SDK1: variants seen among roughly 807,000 people sequenced by gnomAD.
SDK1 encodes sidekick cell adhesion molecule 1.
A neutral mutation model predicts 245.5 loss-of-function variants in SDK1; 157 were observed. The ratio of observed to expected loss-of-function variants is 0.64; its 90% CI spans 0.56 to 0.73. The LOEUF is 0.73. Ranked by LOEUF, SDK1 falls within the 30% of genes least tolerant of loss-of-function variation. The pLI is 0.00. For missense variants in SDK1, 3,583 were observed against 3,002.3 expected (o/e 1.19, Z -4.52); for synonymous variants, 1,647 against 1,278.5 (o/e 1.29, Z -6.15).
At position 4,139,595 on chromosome 7, in the gene SDK1, A is replaced by G. The variant is rs1475265603; in HGVS notation, c.4229-6127A>G. Among the ~76,000 whole-genome samples the G allele has an allele frequency of 2.1e-3, 137 of 65,674 alleles. 7 individuals carry two copies. The highest frequency in any genetic ancestry group is 5.5e-3 in the African/African-American group (93 of 16,920). The allele number at this position is 65,674 out of a possible 152,430, so 43.1% of individuals were successfully genotyped here. A position where few individuals can be genotyped will look rare whatever the true frequency, so the allele number is the denominator to read the frequency against. ...TATGTGTGTGTGTATGTGTGTGTAT[A>G]TGTATATATGTGTGTGTATATGTGT... On this transcript the variant is annotated intron_variant, in intron 28 of 44. Coordinates refer to ENST00000404826, the MANE Select transcript of SDK1 (RefSeq NM_152744.4).
intron 4 of SDK1, among the ~76,000 whole-genome samples, chr7:3,780,428 A>T (rs1010951009): frequency 6.6e-6 from 1 of 152,238 alleles, no homozygotes; most frequent in African/African-American, 2.4e-5. Flanking sequence ...TTACCAGCAC[A>T]TGGATCTTAG....
At chr7:3,307,452 G>C (rs543289701) in intron 1 of SDK1, among the ~76,000 whole-genome samples, 2 of 152,292 alleles carry the variant, frequency 1.3e-5, no homozygotes, top group South Asian at 4.1e-4. Context: ...CTGTTCTGGA[G>C]AGGTTACTAC....
chr7:3,942,480 A>C (rs1780404211), intron 5 of SDK1, among the ~76,000 whole-genome samples: 1 of 152,210 alleles, frequency 6.6e-6, no homozygotes. Context: ...GGACAACACG[A>C]TCAAAAAATA....
At chr7:3,580,828 T>TGTG (rs1780455769) in intron 1 of SDK1, among the ~76,000 whole-genome samples, 1 of 151,262 alleles carries the variant, frequency 6.6e-6, no homozygotes, top group African/African-American at 2.4e-5. Context: ...ATAGGCTGGA[T>TGTG]GTGGTGGTAT....
intron 17 of SDK1, among the ~76,000 whole-genome samples, chr7:4,034,447 C>G (rs10237956): frequency 0.32 from 48,430 of 152,080 alleles, 12,027 homozygotes; most frequent in African/African-American, 0.7. Context: ...GGGTGATGGG[C>G]CTCATGTTAG....
At chr7:3,599,557 A>G (rs922732307) in intron 1 of SDK1, among the ~76,000 whole-genome samples, 1 of 152,140 alleles carries the variant, frequency 6.6e-6, no homozygotes, top group Non-Finnish European at 1.5e-5. Context: ...CCACATTACA[A>G]ATATTTTCTC....
intron 32 of SDK1, among the ~76,000 whole-genome samples, chr7:4,170,252 G>C (rs1216308259): frequency 6.6e-6 from 1 of 152,136 alleles, no homozygotes; most frequent in Non-Finnish European, 1.5e-5. Flanking sequence ...TTCGAGACCA[G>C]CCTGGGCAAC....
At chr7:3,843,068 C>T (rs959137445) in intron 5 of SDK1, among the ~76,000 whole-genome samples, 3 of 152,090 alleles carry the variant, frequency 2.0e-5, no homozygotes, top group Non-Finnish European at 2.9e-5. Context: ...AGCCTGTGGC[C>T]GCTTAGCATT....
At chr7:3,698,310 G>T (rs935948151) in intron 4 of SDK1, among the ~76,000 whole-genome samples, 10 of 152,200 alleles carry the variant, frequency 6.6e-5, no homozygotes, top group African/African-American at 2.4e-4. Context: ...TGGGTGTGGG[G>T]CCAAGGCTTG....
At position 4,267,802 on chromosome 7, in the gene SDK1, G is replaced by A. The variant is rs890558688; in HGVS notation, c.*2418G>A. 1.0e-5 allele frequency: 10 copies of A among 985,462 alleles called. No homozygotes were observed. Among genetic ancestry groups the A allele is most frequent in the East Asian group, 1.1e-4 (1 of 8,824 alleles). The allele number at this position is 985,462 out of a possible 1,614,324, so 61.0% of individuals were successfully genotyped here. ...TAGTAAACCTTGATCTGTACGGAGC[G>A]GCCTGTCCGAGGCTACGCCGGCCTC... On this transcript the variant is annotated 3_prime_UTR_variant, in exon 45 of 45. Transcript: ENST00000404826.
At position 4,265,959 on chromosome 7, in the gene SDK1, A is replaced by G; in HGVS notation, c.*575A>G. On this transcript the variant is annotated 3_prime_UTR_variant, in exon 45 of 45. Transcript: ENST00000404826. Reference sequence around the variant, plus strand: ...TGTTCTCACTTGGCAGTGTCTAGTCAAGGAGTCGGCTTTCAGGTTCCTGAC... The same window carrying G: ...TGTTCTCACTTGGCAGTGTCTAGTCGAGGAGTCGGCTTTCAGGTTCCTGAC... 1 of 985,624 alleles carries G rather than the reference A, an allele frequency of 1.0e-6. No individual in the cohort carries two copies. 61.1% of individuals were successfully genotyped at this position (985,624 alleles called of 1,614,324 possible). A position where few individuals can be genotyped will look rare whatever the true frequency, so the allele number is the denominator to read the frequency against.
chr7:3,621,847 C>G (rs1458881959), intron 2 of SDK1, among the ~76,000 whole-genome samples: 1 of 152,116 alleles, frequency 6.6e-6, no homozygotes, highest in African/African-American at 2.4e-5. Context: ...ATTTGCAAAT[C>G]GTTGAATATA....
intron 1 of SDK1, among the ~76,000 whole-genome samples, chr7:3,515,175 A>T (rs1334268679): frequency 6.6e-6 from 1 of 152,084 alleles, no homozygotes; most frequent in African/African-American, 2.4e-5. Flanking sequence ...GTTTTGAGCA[A>T]CCTTCTGAAG....
At chr7:4,081,134 G>A (rs1024509236) in intron 22 of SDK1, among the ~76,000 whole-genome samples, 6 of 152,208 alleles carry the variant, frequency 3.9e-5, no homozygotes, top group African/African-American at 1.4e-4. Flanking sequence ...AGAATGTGGT[G>A]TTACGCTAGG....
In SDK1 at chr7:3,571,908, T is replaced by C. The variant is rs553961786; in HGVS notation, c.299-47172T>C. On this transcript the variant is annotated intron_variant, in intron 1 of 44. Transcript: ENST00000404826. The stretch of plus-strand genomic sequence containing the variant: ...TTTCTACCTAGCCCTTAAAAAGCCA[T>C]CACTCATACTCTCTTTCCATCCCAT... Among the ~76,000 whole-genome samples, 3 of 152,180 alleles carry C rather than the reference T, an allele frequency of 2.0e-5. No homozygotes were observed. The East Asian group carries it at 5.8e-4, about 29-fold the overall frequency.
chr7:4,241,031 T>C (rs377480423), intron 42 of SDK1, among the ~76,000 whole-genome samples: 8 of 152,234 alleles, frequency 5.3e-5, no homozygotes, highest in African/African-American at 1.9e-4. Context: ...TTATTTTTTA[T>C]GTTGTTCGGT....
At chr7:3,616,103 G>A (rs571957565) in intron 1 of SDK1, among the ~76,000 whole-genome samples, 2 of 152,172 alleles carry the variant, frequency 1.3e-5, no homozygotes, top group African/African-American at 2.4e-5. Flanking sequence ...GTCCAAGCTG[G>A]TCTTGCACTC....
chr7:3,454,591 T>A (rs1008828252), intron 1 of SDK1, among the ~76,000 whole-genome samples: 3 of 152,224 alleles, frequency 2.0e-5, no homozygotes, highest in Non-Finnish European at 4.4e-5. Context: ...TTTCCGTTTC[T>A]ATAATACGGT....
intron 11 of SDK1, among the ~76,000 whole-genome samples, chr7:3,970,663 C>T (rs559196029): frequency 2.0e-5 from 3 of 152,338 alleles, no homozygotes; most frequent in Admixed American, 1.3e-4. Flanking sequence ...GCGACACTAG[C>T]CTGACTGGGA....
Sources: gnomAD v4.1 joint callset for allele counts (sites outside exome capture counted in the v4.1 genomes callset) on GRCh38, gnomAD v4.1.1 for gene constraint, MANE v1.5 for transcripts, NCBI Gene and HGNC (gene_info 2026-07-23, HGNC 2026-07-21) for gene names.